The following ZC3H12B variants were observed in gnomAD, a reference collection of about 807,000 sequenced individuals.
ZC3H12B encodes the protein probable ribonuclease ZC3H12B.
Under a neutral mutation model 43.9 loss-of-function variants are expected in ZC3H12B, and 7 were observed. The observed-to-expected ratio is 0.16, with a 90% CI of 0.09 to 0.30. The LOEUF (loss-of-function observed/expected upper bound fraction) is 0.30. ZC3H12B is among the 10% of genes least tolerant of loss of function. The pLI is 1.00. For synonymous variants in ZC3H12B, 222 were observed against 241.7 expected (o/e 0.92, Z 0.76); for missense variants, 475 against 670.2 (o/e 0.71, Z 3.22).
At chrX:65,212,657 TATATATAAATATATATGATTTATATATC>T in the ZC3H12B span, among the ~76,000 whole-genome samples, 201 of 85,709 alleles carry the variant, frequency 2.3e-3, 2 homozygotes, top group East Asian at 5.7e-3. Context: ...TATCATATAT[TATATATAAATATATATGATTTATATATC>T]ATATATAAAT....
At chrX:65,148,948 CTTTT>C in the ZC3H12B span, among the ~76,000 whole-genome samples, 4 of 111,565 alleles carry the variant, frequency 3.6e-5, no homozygotes, top group African/African-American at 1.3e-4. Context: ...CTCTCTCTCT[CTTTT>C]TTTATTTTGT....
chrX:65,226,634 C>T, the ZC3H12B span, among the ~76,000 whole-genome samples: 5 of 111,077 alleles, frequency 4.5e-5, no homozygotes, highest in Non-Finnish European at 9.4e-5. Context: ...ATTCAGGAAA[C>T]CCATCTCACG....
the ZC3H12B span, among the ~76,000 whole-genome samples, chrX:65,103,876 T>C: frequency 8.9e-6 from 1 of 111,738 alleles, no homozygotes; most frequent in African/African-American, 3.3e-5. Flanking sequence ...ACTATTATCA[T>C]CAAGCTACCA....
the ZC3H12B span, among the ~76,000 whole-genome samples, chrX:65,148,952 T>G: frequency 8.9e-6 from 1 of 111,825 alleles, no homozygotes; most frequent in Non-Finnish European, 1.9e-5. Context: ...CTCTCTCTTT[T>G]TTTATTTTGT....
the ZC3H12B span, among the ~76,000 whole-genome samples, chrX:65,347,989 CA>C: frequency 9.1e-6 from 1 of 109,945 alleles, no homozygotes; most frequent in East Asian, 2.9e-4. Flanking sequence ...TCGCAAAGAC[CA>C]AAAACCAAAC....
the ZC3H12B span, among the ~76,000 whole-genome samples, chrX:65,268,249 A>T: frequency 8.9e-6 from 1 of 112,256 alleles, no homozygotes; most frequent in Non-Finnish European, 1.9e-5. Flanking sequence ...TCAATAACGA[A>T]GAGACTGAAG....
the ZC3H12B span, among the ~76,000 whole-genome samples, chrX:65,096,945 A>T: frequency 9.0e-6 from 1 of 111,613 alleles, no homozygotes; most frequent in African/African-American, 3.3e-5. Context: ...CAAGAGTGTA[A>T]GGGGATCCTG....
intron 3 of ZC3H12B, among the ~76,000 whole-genome samples, chrX:65,409,048 T>A (rs1201372977): frequency 8.9e-6 from 1 of 111,923 alleles, no homozygotes; most frequent in East Asian, 2.8e-4. Flanking sequence ...GGTTTGATAA[T>A]TGCATCTGTT....
chrX:65,242,780 C>T, the ZC3H12B span, among the ~76,000 whole-genome samples: 1,304 of 112,062 alleles, frequency 0.012, 22 homozygotes, highest in African/African-American at 0.041. Flanking sequence ...TAAAAGCATA[C>T]ACATAGACTA....
upstream of ZC3H12B, among the ~76,000 whole-genome samples, chrX:65,485,257 C>A (rs930184234): frequency 3.6e-5 from 4 of 111,909 alleles, no homozygotes; most frequent in Non-Finnish European, 7.5e-5. Context: ...GGTAACAATT[C>A]TATGTCTTGT....
the ZC3H12B span, among the ~76,000 whole-genome samples, chrX:65,138,966 G>A: frequency 8.9e-6 from 1 of 111,779 alleles, no homozygotes; most frequent in Non-Finnish European, 1.9e-5. Flanking sequence ...AGTAGTTTGA[G>A]TTTCTTATAT....
At chrX:65,195,349 G>T in the ZC3H12B span, among the ~76,000 whole-genome samples, 1 of 110,683 alleles carries the variant, frequency 9.0e-6, no homozygotes, top group Non-Finnish European at 1.9e-5. Flanking sequence ...TTGATTTGAG[G>T]TAACCATGAA....
the ZC3H12B span, among the ~76,000 whole-genome samples, chrX:65,160,619 AT>A: frequency 6.4e-4 from 71 of 110,431 alleles, 1 homozygote; most frequent in Admixed American, 3.2e-3. Flanking sequence ...CCCCTTTATC[AT>A]TTTTTTTGTG....
chrX:65,119,428 G>A, the ZC3H12B span, among the ~76,000 whole-genome samples: 1 of 112,027 alleles, frequency 8.9e-6, no homozygotes, highest in African/African-American at 3.2e-5. Context: ...TCATGTCTCT[G>A]TTGGCTGCAT....
chrX:65,055,219 G>A, the ZC3H12B span, among the ~76,000 whole-genome samples: 1 of 111,219 alleles, frequency 9.0e-6, no homozygotes, highest in East Asian at 2.8e-4. Flanking sequence ...ATTGGCTGTG[G>A]GTTTGTCATA....
chrX:65,245,124 C>CAT, the ZC3H12B span, among the ~76,000 whole-genome samples: 3 of 111,711 alleles, frequency 2.7e-5, no homozygotes, highest in African/African-American at 9.8e-5. Flanking sequence ...CCTCTATCTA[C>CAT]ATAAACTCGA....
chrX:65,320,568 C>T, the ZC3H12B span, among the ~76,000 whole-genome samples: 1 of 111,728 alleles, frequency 9.0e-6, no homozygotes, highest in Non-Finnish European at 1.9e-5. Flanking sequence ...TTGTGTGGAA[C>T]CAAAAAAAGT....
chrX:65,261,809 A>C, the ZC3H12B span, among the ~76,000 whole-genome samples: 5 of 111,384 alleles, frequency 4.5e-5, no homozygotes, highest in South Asian at 1.5e-3. Flanking sequence ...TAATGCAGGT[A>C]GTAAATATCT....
chrX:65,346,476 C>G, the ZC3H12B span, among the ~76,000 whole-genome samples: 2 of 111,101 alleles, frequency 1.8e-5, no homozygotes. Flanking sequence ...AAAAGTAACT[C>G]AAGATGATTC....
Sources: gnomAD v4.1 joint callset for allele counts (sites outside exome capture counted in the v4.1 genomes callset) on GRCh38, gnomAD v4.1.1 for gene constraint, MANE v1.5 for transcripts, NCBI Gene and HGNC (gene_info 2026-07-23, HGNC 2026-07-21) for gene names.